Variants in CCDC85A observed in about 807,000 individuals in gnomAD.
CCDC85A encodes the protein coiled-coil domain-containing protein 85A.
In CCDC85A, 38 loss-of-function variants were observed where a neutral mutation model predicts 50.2. The observed-to-expected ratio is 0.76, with a 90% CI of 0.58 to 0.99. The LOEUF (loss-of-function observed/expected upper bound fraction) is 0.99, where lower values mean the gene tolerates loss of function less well. CCDC85A is among the 50% of genes least tolerant of loss of function. The probability of loss-of-function intolerance (pLI) is 0.00; values close to 1 mark genes in which losing one functional copy is unlikely to be tolerated. For synonymous variants in CCDC85A, 366 were observed against 301.4 expected (o/e 1.21, Z -2.22); for missense variants, 820 against 742.0 (o/e 1.11, Z -1.22).
chr2:56,285,193 C>T (rs1671379120), intron 2 of CCDC85A, among the ~76,000 whole-genome samples: 1 of 151,388 alleles, frequency 6.6e-6, no homozygotes, highest in South Asian at 2.1e-4. Context: ...TCTCCACGTC[C>T]CAGGTTCAAG....
At chr2:56,249,036 G>A (rs1188107295) in intron 2 of CCDC85A, among the ~76,000 whole-genome samples, 2 of 152,246 alleles carry the variant, frequency 1.3e-5, no homozygotes, top group Admixed American at 6.5e-5. Flanking sequence ...TGCAGCCCAA[G>A]ATGACAATGG....
chr2:56,309,551 A>G (rs1411021471), intron 2 of CCDC85A, among the ~76,000 whole-genome samples: 1 of 152,214 alleles, frequency 6.6e-6, no homozygotes, highest in Non-Finnish European at 1.5e-5. Context: ...GTGAACAGTA[A>G]AAGTGATTTT....
intron 2 of CCDC85A, among the ~76,000 whole-genome samples, chr2:56,232,882 C>T (rs536038670): frequency 1.3e-5 from 2 of 152,240 alleles, no homozygotes; most frequent in Non-Finnish European, 2.9e-5. Flanking sequence ...TATAACGGGT[C>T]ACATTGGATC....
Position 56,234,410 on chromosome 2 carries a change from T to G in CCDC85A, c.1240+40970T>G, listed in dbSNP as rs1668911452. 2.6e-5 allele frequency among the ~76,000 whole-genome samples: 4 copies of G among 152,216 alleles called. No individual in the cohort carries two copies. The South Asian group carries it at 8.3e-4, about 31-fold the overall frequency. On this transcript the variant is annotated intron_variant, in intron 2 of 5. Transcript: ENST00000407595. ...GAAACTCAGTGAATAGCCCTTGAAT[T>G]GAACTGGCTCCTCTCGAGCTTGCCT...
At chr2:56,204,197 G>T (rs1405293962) in intron 2 of CCDC85A, among the ~76,000 whole-genome samples, 1 of 152,110 alleles carries the variant, frequency 6.6e-6, no homozygotes, top group Non-Finnish European at 1.5e-5. Context: ...TAATTTCATA[G>T]AAGAAGATCC....
chr2:56,272,168 T>G (rs898551496), intron 2 of CCDC85A, among the ~76,000 whole-genome samples: 4 of 152,110 alleles, frequency 2.6e-5, no homozygotes, highest in African/African-American at 9.7e-5. Context: ...TAATAATAAG[T>G]ATTAATCCCT....
intron 2 of CCDC85A, among the ~76,000 whole-genome samples, chr2:56,240,642 T>C (rs921131122): frequency 4.6e-5 from 7 of 152,152 alleles, no homozygotes; most frequent in African/African-American, 1.4e-4. Context: ...TCGTGCAATA[T>C]TATGTGGGCC....
At position 56,189,297 on chromosome 2, in the gene CCDC85A, G is replaced by GTTTTTTTTTTTTTTTTTTTTTTT. The variant is rs70955011; in HGVS notation, c.277-3165_277-3164insTTTTTTTTTTTTTTTTTTTTTTT. Among the ~76,000 whole-genome samples the GTTTTTTTTTTTTTTTTTTTTTTT allele has an allele frequency of 2.0e-3, 245 of 121,880 alleles. 13 individuals carry two copies. The highest frequency in any genetic ancestry group is 7.9e-3 in the African/African-American group (229 of 29,154). 80.0% of individuals were successfully genotyped at this position (121,880 alleles called of 152,430 possible). A position where few individuals can be genotyped will look rare whatever the true frequency, so the allele number is the denominator to read the frequency against. On this transcript the variant is annotated intron_variant, in intron 1 of 5. Coordinates refer to ENST00000407595, the MANE Select transcript of CCDC85A (RefSeq NM_001080433.2). ...AAAACATGCACGGGGTATTTTTGGTGTTTTTTTTTTTTTTTGAGACAAGGT... is the reference window on the plus strand; with the variant it reads ...AAAACATGCACGGGGTATTTTTGGTGTTTTTTTTTTTTTTTTTTTTTTTTTTTTTTTTTTTTTTGAGACAAGGT...
intron 2 of CCDC85A, among the ~76,000 whole-genome samples, chr2:56,251,507 T>C (rs1204161924): frequency 6.6e-6 from 1 of 152,174 alleles, no homozygotes; most frequent in Admixed American, 6.5e-5. Flanking sequence ...TCTTTTTCCT[T>C]CTCTATTAAT....
intron 2 of CCDC85A, among the ~76,000 whole-genome samples, chr2:56,197,017 A>G (rs956435619): frequency 2.2e-4 from 33 of 152,204 alleles, no homozygotes; most frequent in Non-Finnish European, 3.5e-4. Flanking sequence ...GAGAGCAAGC[A>G]TGAGGAAATC....
chr2:56,348,965 G>A (rs1641829526), intron 3 of CCDC85A, among the ~76,000 whole-genome samples: 1 of 152,152 alleles, frequency 6.6e-6, no homozygotes, highest in Admixed American at 6.5e-5. Flanking sequence ...ATGAAAATCT[G>A]TAACTGTTGT....
intron 2 of CCDC85A, among the ~76,000 whole-genome samples, chr2:56,325,664 A>G (rs1336280620): frequency 2.6e-5 from 4 of 152,098 alleles, no homozygotes; most frequent in African/African-American, 7.2e-5. Flanking sequence ...CTAAAATTGG[A>G]CATTTACAAG....
rs577967562 is a variant in CCDC85A at position 56,319,083 on chromosome 2, C to T, written c.1241-23796C>T. Among the ~76,000 whole-genome samples the T allele has an allele frequency of 9.2e-5, 14 of 152,012 alleles. No homozygotes were observed. In the South Asian group the frequency reaches 2.1e-3, roughly 23 times the overall value. ...GAGAGCCAGAAATGGGGAGGTGAGG[C>T]GTGGGTGGTGATATCAAAACTGTAG... On this transcript the variant is annotated intron_variant, in intron 2 of 5. Transcript: ENST00000407595.
rs1250209093 is a variant in CCDC85A, at chr2:56,385,211, T to G, written c.*856T>G. ...TGTTTCGAGCTGTGAGATGTCAATT[T>G]CTACAATTTAGTTTCTAGACATGCT... On this transcript the variant is annotated 3_prime_UTR_variant, in exon 6 of 6. Coordinates refer to ENST00000407595, the MANE Select transcript of CCDC85A (RefSeq NM_001080433.2). The G allele has an allele frequency of 6.6e-6, 1 of 152,304 alleles. No individual in the cohort carries two copies. Among genetic ancestry groups the G allele is most frequent in the Admixed American group, 6.6e-5 (1 of 15,204 alleles). 9.4% of individuals were successfully genotyped at this position (152,304 alleles called of 1,614,324 possible).
chr2:56,379,631 C>G (rs2104404694), intron 5 of CCDC85A: 1 of 158,558 alleles, frequency 6.3e-6, no homozygotes, highest in South Asian at 2.0e-4. Flanking sequence ...CTAATCCACT[C>G]TGATATGCAG....
At chr2:56,241,385 G>A (rs1669251781) in intron 2 of CCDC85A, among the ~76,000 whole-genome samples, 1 of 151,960 alleles carries the variant, frequency 6.6e-6, no homozygotes, top group African/African-American at 2.4e-5. Context: ...ATTGACTGTA[G>A]TTGCCGCGTT....
At chr2:56,289,566 T>C (rs1321017090) in intron 2 of CCDC85A, among the ~76,000 whole-genome samples, 1 of 152,104 alleles carries the variant, frequency 6.6e-6, no homozygotes, top group East Asian at 1.9e-4. Flanking sequence ...TTAGTATGCT[T>C]GGAGCACAGG....
rs1407252925 is a variant in CCDC85A at position 56,361,600 on chromosome 2, G to A, written c.1318-10744G>A. On this transcript the variant is annotated intron_variant, in intron 3 of 5. Coordinates refer to ENST00000407595, the MANE Select transcript of CCDC85A (RefSeq NM_001080433.2). ...CTCATCTGAGGAGACTTGAATAAAG[G>A]AAGTATGGAAAAGAGTATTCCTGGA... is the stretch of plus-strand genomic sequence containing the variant. 2.6e-5 allele frequency among the ~76,000 whole-genome samples: 4 copies of A among 152,308 alleles called. No homozygotes were observed. The South Asian group carries it at 8.3e-4, about 32-fold the overall frequency.
intron 2 of CCDC85A, among the ~76,000 whole-genome samples, chr2:56,216,039 A>C (rs941600764): frequency 6.6e-6 from 1 of 151,910 alleles, no homozygotes; most frequent in Non-Finnish European, 1.5e-5. Flanking sequence ...GAATATTTGC[A>C]ACAGAGATCA....
Sources: gnomAD v4.1 joint callset for allele counts (sites outside exome capture counted in the v4.1 genomes callset) on GRCh38, gnomAD v4.1.1 for gene constraint, MANE v1.5 for transcripts, NCBI Gene and HGNC (gene_info 2026-07-23, HGNC 2026-07-21) for gene names.